Variants in HYDIN observed in about 807,000 individuals in gnomAD.
HYDIN encodes HYDIN axonemal central pair apparatus protein, also known as axonemal central pair apparatus protein HYDIN.
A neutral mutation model predicts 403.9 loss-of-function variants in HYDIN; 132 were observed. The observed-to-expected ratio is 0.33, with a 90% CI of 0.28 to 0.38. HYDIN has a LOEUF of 0.38. Ranked by LOEUF, HYDIN falls within the 10% of genes least tolerant of loss-of-function variation. The probability of loss-of-function intolerance (pLI) is 1.00; values close to 1 mark genes in which losing one functional copy is unlikely to be tolerated. For missense variants in HYDIN, 2,827 were observed against 5,009.5 expected, an observed-to-expected ratio of 0.56 and a Z score of 13.15; for synonymous variants, 1,202 against 1,891.7, an observed-to-expected ratio of 0.64 and a Z score of 9.46.
chr16:71,203,760 A>T (rs555601519), intron 1 of HYDIN: 1 of 456,072 alleles, frequency 2.2e-6, no homozygotes, highest in African/African-American at 2.0e-5. Flanking sequence ...GGTCCAAAGA[A>T]TTCCAGTCAT....
intron 30 of HYDIN, among the ~76,000 whole-genome samples, chr16:70,977,164 TC>T (rs1221029156): frequency 6.7e-6 from 1 of 148,576 alleles, no homozygotes; most frequent in East Asian, 2.0e-4. Flanking sequence ...CATCATTGCG[TC>T]CAGTGGGCAG....
chr16:71,163,642 C>G (rs1489613898), intron 5 of HYDIN, among the ~76,000 whole-genome samples: 1 of 152,138 alleles, frequency 6.6e-6, no homozygotes, highest in East Asian at 1.9e-4. Context: ...CCTGGTCCAG[C>G]CTACTGCAGG....
chr16:71,220,014 C>A (rs9934510), intron 1 of HYDIN, among the ~76,000 whole-genome samples: 60,216 of 151,972 alleles, frequency 0.4, 12,689 homozygotes, highest in East Asian at 0.57. Flanking sequence ...CAAACCAGTG[C>A]TCTTTAACCT....
Position 71,175,770 on chromosome 16 carries a change from C to A in HYDIN, c.382-29G>T, listed in dbSNP as rs144501451. 135 of 1,612,134 alleles carry A rather than the reference C, an allele frequency of 8.4e-5. 1 individual carries two copies. In the African/African-American group the frequency reaches 1.7e-3, roughly 20 times the overall value. ...CAGGGAAACACATGATGATGAACAT[C>A]GTGCATGTGAAAAAGCAGAGTTAAA... On this transcript the variant is annotated intron_variant, in intron 4 of 85. Coordinates refer to ENST00000393567, the MANE Select transcript of HYDIN (RefSeq NM_001270974.2).
chr16:71,048,490 T>C (rs1052451488), intron 18 of HYDIN, among the ~76,000 whole-genome samples: 2 of 137,378 alleles, frequency 1.5e-5, no homozygotes, highest in African/African-American at 5.2e-5. Flanking sequence ...CTCAGCATTA[T>C]TGCCAGTATT....
intron 5 of HYDIN, among the ~76,000 whole-genome samples, chr16:71,164,889 G>A (rs955449420): frequency 1.3e-5 from 2 of 151,436 alleles, no homozygotes; most frequent in African/African-American, 2.4e-5. Flanking sequence ...TCTCTCCAGC[G>A]GTCTGGCTTT....
intron 27 of HYDIN, among the ~76,000 whole-genome samples, chr16:70,986,405 T>A (rs2144032721): frequency 6.6e-6 from 1 of 152,318 alleles, no homozygotes; most frequent in Non-Finnish European, 1.5e-5. Flanking sequence ...CGAAACCAAG[T>A]GCCCAAAGGA....
chr16:70,982,301 T>A (rs1490866009), intron 28 of HYDIN, among the ~76,000 whole-genome samples: 1 of 151,446 alleles, frequency 6.6e-6, no homozygotes, highest in East Asian at 1.9e-4. Context: ...CTTAGAGTGA[T>A]CTGTATCCTA....
At chr16:71,146,195 A>C in intron 7 of HYDIN, among the ~76,000 whole-genome samples, 1 of 152,222 alleles carries the variant, frequency 6.6e-6, no homozygotes, top group South Asian at 2.1e-4. Context: ...TAACAAGAGT[A>C]AAAGGGTTGA....
At chr16:71,100,392 G>C (rs2083422839) in intron 10 of HYDIN, among the ~76,000 whole-genome samples, 1 of 152,204 alleles carries the variant, frequency 6.6e-6, no homozygotes, top group Admixed American at 6.5e-5. Context: ...GGAGTGTGGT[G>C]GGTTGATTTT....
intron 58 of HYDIN, among the ~76,000 whole-genome samples, chr16:70,886,050 C>A (rs1343514969): frequency 8.2e-5 from 12 of 146,544 alleles, no homozygotes; most frequent in Admixed American, 2.7e-4. Context: ...CAGCAATTGC[C>A]TACCCCATTT....
intron 1 of HYDIN, 145 bp downstream of exon 1, chr16:71,230,417 G>C (rs2041228528): frequency 2.1e-6 from 2 of 955,572 alleles, no homozygotes; most frequent in East Asian, 5.6e-5. Context: ...GAAGTGGCTA[G>C]GGAAGGCTGA....
At chr16:71,216,023 G>T (rs113248518) in intron 1 of HYDIN, among the ~76,000 whole-genome samples, 5 of 152,000 alleles carry the variant, frequency 3.3e-5, no homozygotes, top group African/African-American at 4.8e-5. Flanking sequence ...CTTGCTGGTC[G>T]GGCTGTAACT....
intron 8 of HYDIN, among the ~76,000 whole-genome samples, chr16:71,130,470 G>GT (rs56853905): frequency 0.26 from 19,554 of 75,828 alleles, 6,669 homozygotes; most frequent in Non-Finnish European, 0.4. Flanking sequence ...ATATATACCG[G>GT]TTTTTTTTTT....
intron 18 of HYDIN, among the ~76,000 whole-genome samples, chr16:71,040,994 G>C (rs1597619937): frequency 6.6e-6 from 1 of 151,202 alleles, no homozygotes; most frequent in African/African-American, 2.4e-5. Context: ...CAGCTGTATT[G>C]TTTGTATATT....
intron 1 of HYDIN, among the ~76,000 whole-genome samples, chr16:71,190,691 C>T (rs1302140084): frequency 6.6e-6 from 1 of 152,134 alleles, no homozygotes; most frequent in Non-Finnish European, 1.5e-5. Flanking sequence ...GACAATGGCT[C>T]AATCAGGCTG....
chr16:70,961,745 T>C (rs2078426250), intron 38 of HYDIN, among the ~76,000 whole-genome samples: 1 of 151,958 alleles, frequency 6.6e-6, no homozygotes, highest in Non-Finnish European at 1.5e-5. Context: ...GTGCCAAGAA[T>C]GTATTATATG....
chr16:70,938,298 G>A (rs1289478007), intron 44 of HYDIN, among the ~76,000 whole-genome samples: 1 of 152,232 alleles, frequency 6.6e-6, no homozygotes, highest in African/African-American at 2.4e-5. Context: ...GCTGGTCAGG[G>A]GGGGCCAGCA....
At chr16:71,027,002 C>T (rs896125801) in intron 20 of HYDIN, 7 of 394,772 alleles carry the variant, frequency 1.8e-5, no homozygotes, top group African/African-American at 1.5e-4. Flanking sequence ...ATGGTTTCCA[C>T]ACTCTGTGAG....
Sources: allele counts gnomAD v4.1 joint callset (sites outside exome capture counted in the v4.1 genomes callset), GRCh38; gene constraint gnomAD v4.1.1; transcripts MANE v1.5; gene names NCBI Gene and HGNC (gene_info 2026-07-23, HGNC 2026-07-21).